NAALADL2: variants seen among roughly 807,000 people sequenced by gnomAD.
NAALADL2 encodes the protein N-acetylated alpha-linked acidic dipeptidase like 2.
Under a neutral mutation model 87.2 loss-of-function variants are expected in NAALADL2, and 76 were observed. The observed-to-expected ratio is 0.87, with a 90% CI of 0.72 to 1.05. The LOEUF (loss-of-function observed/expected upper bound fraction) is 1.05. NAALADL2 is among the 50% of genes least tolerant of loss of function. The pLI is 0.00. For missense variants in NAALADL2, 1,089 were observed against 945.8 expected, an observed-to-expected ratio of 1.15 and a Z score of -1.99; for synonymous variants, 354 against 331.0, an observed-to-expected ratio of 1.07 and a Z score of -0.75.
At chr3:175,728,016 A>AGT (rs2150053559) in intron 11 of NAALADL2, among the ~76,000 whole-genome samples, 1 of 152,242 alleles carries the variant, frequency 6.6e-6, no homozygotes, top group Non-Finnish European at 1.5e-5. Flanking sequence ...CCTTTTTGAT[A>AGT]GTTGTGGAGG....
At position 175,237,801 on chromosome 3, in the gene NAALADL2, G is replaced by A. The variant is rs1004034827; in HGVS notation, c.819+3597G>A. On this transcript the variant is annotated intron_variant, in intron 3 of 13. Transcript: ENST00000454872. ...TGTTGTTTTTCTGGGCATGTTGTAT[G>A]ACAATTTCTATTACAGCATATGGGA... Among the ~76,000 whole-genome samples the A allele has an allele frequency of 1.7e-4, 26 of 152,188 alleles. No individual in the cohort carries two copies. The South Asian group carries it at 5.4e-3, about 32-fold the overall frequency.
chr3:174,624,468 A>G (rs1721355466), intron 2 of NAALADL2, among the ~76,000 whole-genome samples: 1 of 152,090 alleles, frequency 6.6e-6, no homozygotes, highest in Admixed American at 6.6e-5. Flanking sequence ...TATTAAAAGT[A>G]TGAAAATTAG....
intron 2 of NAALADL2, among the ~76,000 whole-genome samples, chr3:174,708,132 A>C (rs1314689568): frequency 6.6e-6 from 1 of 152,194 alleles, no homozygotes; most frequent in Non-Finnish European, 1.5e-5. Context: ...ATCAGTGATT[A>C]TAACTAGTTT....
In NAALADL2 at chr3:175,314,698, A is replaced by AGTTCTAAC. The variant is rs1287705242; in HGVS notation, c.940-9477_940-9476insGTTCTAAC. Reference sequence around the variant, plus strand: ...TATATATATATATATATATATATATATATATATATATATATATATATATAG... The same window carrying AGTTCTAAC: ...TATATATATATATATATATATATATAGTTCTAACTATATATATATATATATATATATAG... On this transcript the variant is annotated intron_variant, in intron 4 of 13. Transcript: ENST00000454872. Among the ~76,000 whole-genome samples the AGTTCTAAC allele has an allele frequency of 8.4e-4, 82 of 97,814 alleles. 3 individuals carry two copies. The highest frequency in any genetic ancestry group is 4.0e-3 in the East Asian group (11 of 2,748). 64.2% of individuals were successfully genotyped at this position (97,814 alleles called of 152,430 possible).
chr3:174,712,927 A>G (rs1221182836), intron 2 of NAALADL2, among the ~76,000 whole-genome samples: 2 of 152,040 alleles, frequency 1.3e-5, no homozygotes, highest in Non-Finnish European at 2.9e-5. Context: ...AACATTAGGT[A>G]TATCTCCTAA....
chr3:174,833,935 A>G (rs1481660451), intron 3 of NAALADL2, among the ~76,000 whole-genome samples: 1 of 151,204 alleles, frequency 6.6e-6, no homozygotes, highest in Admixed American at 6.6e-5. Flanking sequence ...ATAAACCTAG[A>G]GTAAACATCA....
chr3:174,891,310 A>G (rs760205907), intron 1 of NAALADL2, among the ~76,000 whole-genome samples: 1 of 151,700 alleles, frequency 6.6e-6, no homozygotes, highest in Non-Finnish European at 1.5e-5. Context: ...CAAGTTAACA[A>G]CTATCTACAC....
intron 2 of NAALADL2, among the ~76,000 whole-genome samples, chr3:174,662,858 A>C (rs1725631920): frequency 6.6e-6 from 1 of 152,204 alleles, no homozygotes; most frequent in South Asian, 2.1e-4. Flanking sequence ...GCACCTCCTG[A>C]AATTGTGCAG....
At chr3:175,378,112 G>T (rs149158227) in intron 5 of NAALADL2, among the ~76,000 whole-genome samples, 2,146 of 152,252 alleles carry the variant, frequency 0.014, 43 homozygotes, top group African/African-American at 0.049. Context: ...CTCCCTCTGG[G>T]GCTTCAGGGG....
chr3:174,877,934 T>C (rs536500739), intron 1 of NAALADL2, among the ~76,000 whole-genome samples: 62 of 152,188 alleles, frequency 4.1e-4, no homozygotes, highest in African/African-American at 1.5e-3. Context: ...AGGGATGATA[T>C]AGTGGAGACT....
chr3:175,486,462 A>C (rs1449461534), intron 9 of NAALADL2, among the ~76,000 whole-genome samples: 1 of 152,004 alleles, frequency 6.6e-6, no homozygotes, highest in Non-Finnish European at 1.5e-5. Context: ...TTCTCTCTCT[A>C]TTCCTTCAGC....
At chr3:175,155,254 G>C (rs4243407) in intron 2 of NAALADL2, among the ~76,000 whole-genome samples, 44,824 of 151,950 alleles carry the variant, frequency 0.29, 6,889 homozygotes, top group South Asian at 0.35. Context: ...GTGCAACTGG[G>C]GCTGAGAATC....
At chr3:174,690,159 T>C (rs1728430590) in intron 2 of NAALADL2, among the ~76,000 whole-genome samples, 1 of 152,208 alleles carries the variant, frequency 6.6e-6, no homozygotes, top group African/African-American at 2.4e-5. Flanking sequence ...CATTAAATTA[T>C]TTAAACAGAT....
At chr3:174,951,203 G>T (rs534125421) in intron 1 of NAALADL2, among the ~76,000 whole-genome samples, 5 of 152,038 alleles carry the variant, frequency 3.3e-5, no homozygotes, top group African/African-American at 1.2e-4. Context: ...ACCTTCATGA[G>T]TCATGTTAAG....
chr3:175,256,331 A>T (rs1460324081), intron 3 of NAALADL2, 80 bp from the exon 4 acceptor site: 1 of 1,314,340 alleles, frequency 7.6e-7, no homozygotes, highest in Non-Finnish European at 1.0e-6. Context: ...ATGATGAATA[A>T]TTTTGTTATA....
At chr3:175,676,272 T>G (rs940101496) in intron 11 of NAALADL2, 2 of 152,142 alleles carry the variant, frequency 1.3e-5, no homozygotes, top group African/African-American at 2.4e-5. Context: ...AGCTGCTTGC[T>G]TTACCTATTG....
chr3:175,311,750 C>T (rs1198783633), intron 4 of NAALADL2, among the ~76,000 whole-genome samples: 1 of 151,080 alleles, frequency 6.6e-6, no homozygotes, highest in Admixed American at 6.7e-5. Context: ...TCCCTTCTTC[C>T]TTCCTGAATT....
chr3:175,789,953 T>G (rs1752575369), intron 13 of NAALADL2, among the ~76,000 whole-genome samples: 1 of 152,124 alleles, frequency 6.6e-6, no homozygotes, highest in Admixed American at 6.6e-5. Context: ...GGCAATTGTT[T>G]AAACACATAG....
At chr3:174,882,641 ATGTG>A (rs1560318775) in intron 1 of NAALADL2, among the ~76,000 whole-genome samples, 22 of 147,558 alleles carry the variant, frequency 1.5e-4, no homozygotes, top group Non-Finnish European at 3.3e-4. Context: ...ATATACACAT[ATGTG>A]CATATACACA....
Sources: allele counts gnomAD v4.1 joint callset (sites outside exome capture counted in the v4.1 genomes callset), GRCh38; gene constraint gnomAD v4.1.1; transcripts MANE v1.5; gene names NCBI Gene and HGNC (gene_info 2026-07-23, HGNC 2026-07-21).